The following TPRG1 variants were observed in gnomAD, a reference collection of about 807,000 sequenced individuals.
The protein encoded by TPRG1 is tumor protein p63-regulated gene 1 protein.
Under a neutral mutation model 29.3 loss-of-function variants are expected in TPRG1, and 29 were observed. The ratio of observed to expected loss-of-function variants is 0.99; its 90% confidence interval spans 0.74 to 1.35. The LOEUF is 1.35. TPRG1 is among the 40% of genes most tolerant of loss of function. TPRG1 has a pLI of 0.00. For synonymous variants in TPRG1, 130 were observed against 116.8 expected, an observed-to-expected ratio of 1.11 and a Z score of -0.73; for missense variants, 327 against 335.0, an observed-to-expected ratio of 0.98 and a Z score of 0.19.
In TPRG1 at chr3:189,135,886, G is replaced by A. The variant is rs141901395; in HGVS notation, c.-291+3189G>A. ...CTCTTGCCATCTGGAGAAATCCTACGCATATTTCACAGTCCAATTCAAATA... is the reference window on the plus strand; with the variant it reads ...CTCTTGCCATCTGGAGAAATCCTACACATATTTCACAGTCCAATTCAAATA... On this transcript the variant is annotated intron_variant, in intron 3 of 6. Coordinates refer to the TPRG1 transcript ENST00000412373. Among the ~76,000 whole-genome samples, 336 of 152,132 alleles carry A rather than the reference G, an allele frequency of 2.2e-3. 1 individual carries two copies. The highest frequency in any genetic ancestry group is 3.9e-3 in the Non-Finnish European group (263 of 68,004).
intron 3 of TPRG1, among the ~76,000 whole-genome samples, chr3:189,232,696 C>T (rs1738849631): frequency 1.3e-5 from 2 of 152,150 alleles, no homozygotes; most frequent in African/African-American, 4.8e-5. Flanking sequence ...GTCAGGAAAC[C>T]TGGGAACAGG....
At chr3:189,315,522 G>T in intron 5 of TPRG1, 1 of 455,852 alleles carries the variant, frequency 2.2e-6, no homozygotes, top group South Asian at 1.6e-5. Flanking sequence ...GGAAGGATGA[G>T]TACTGAACCC....
At chr3:189,320,589 A>G (rs1577063080) in intron 5 of TPRG1, 37 bp from the exon 6 acceptor site, 1 of 1,549,228 alleles carries the variant, frequency 6.5e-7, no homozygotes. Flanking sequence ...CTTAATCTAC[A>G]GTAACTAACT....
chr3:189,046,850 C>T (rs926507265), intron 4 of TPRG1, among the ~76,000 whole-genome samples: 1 of 152,084 alleles, frequency 6.6e-6, no homozygotes, highest in Admixed American at 6.6e-5. Flanking sequence ...CTTCCCCCAT[C>T]ATCAACTCAG....
chr3:189,280,844 C>G (rs1048770148), intron 4 of TPRG1, among the ~76,000 whole-genome samples: 2 of 152,292 alleles, frequency 1.3e-5, no homozygotes, highest in Non-Finnish European at 2.9e-5. Flanking sequence ...ATGTAGCAGA[C>G]AGTTTTGATT....
chr3:189,079,918 C>T (rs1717473199), intron 4 of TPRG1, among the ~76,000 whole-genome samples: 1 of 152,188 alleles, frequency 6.6e-6, no homozygotes, highest in Non-Finnish European at 1.5e-5. Context: ...GATGCCTTTT[C>T]CTGCCATCAA....
intron 4 of TPRG1, among the ~76,000 whole-genome samples, chr3:189,086,997 T>C (rs1319435314): frequency 1.3e-5 from 2 of 152,198 alleles, no homozygotes; most frequent in Non-Finnish European, 2.9e-5. Context: ...AGCAGCATGA[T>C]TTATAATCCT....
intron 4 of TPRG1, among the ~76,000 whole-genome samples, chr3:189,031,992 A>T (rs1364525281): frequency 6.6e-6 from 1 of 152,180 alleles, no homozygotes; most frequent in African/African-American, 2.4e-5. Flanking sequence ...ACAGTCGTTT[A>T]TAAAAGATGT....
At chr3:189,290,771 A>C (rs1038388517) in intron 4 of TPRG1, among the ~76,000 whole-genome samples, 2 of 152,226 alleles carry the variant, frequency 1.3e-5, no homozygotes, top group African/African-American at 2.4e-5. Flanking sequence ...AGACCCTCTC[A>C]TAATAGTGAG....
chr3:189,114,809 T>C (rs1235471196), intron 1 of TPRG1, among the ~76,000 whole-genome samples: 1 of 152,182 alleles, frequency 6.6e-6, no homozygotes, highest in Non-Finnish European at 1.5e-5. Flanking sequence ...TAGAAATTAG[T>C]GGTATTTAAG....
chr3:189,107,791 A>C (rs1283048542), intron 1 of TPRG1, among the ~76,000 whole-genome samples: 1 of 152,166 alleles, frequency 6.6e-6, no homozygotes, highest in African/African-American at 2.4e-5. Context: ...TCTCTGATTT[A>C]TCTCTCAGGG....
chr3:189,207,339 A>T (rs1734550541), intron 1 of TPRG1, 37 bp from the exon 2 acceptor site: 1 of 1,609,830 alleles, frequency 6.2e-7, no homozygotes, highest in Admixed American at 1.7e-5. Flanking sequence ...TACAGAGGTA[A>T]CATTTTTTCA....
At chr3:189,088,714 G>T (rs1460958955) in intron 4 of TPRG1, among the ~76,000 whole-genome samples, 1 of 152,120 alleles carries the variant, frequency 6.6e-6, no homozygotes, top group Admixed American at 6.5e-5. Context: ...TGTGATCCAT[G>T]TGTGAGAGGA....
chr3:189,018,236 T>G (rs1293413407), intron 3 of TPRG1, among the ~76,000 whole-genome samples: 64 of 145,688 alleles, frequency 4.4e-4, no homozygotes, highest in African/African-American at 1.6e-3. Flanking sequence ...TTAGTTTAAT[T>G]AGATCCCATT....
In TPRG1 at chr3:189,092,442, C is replaced by CTTT. The variant is rs201972502; in HGVS notation, c.-462-34601_-462-34599dup. Among the ~76,000 whole-genome samples, 18 of 131,374 alleles carry CTTT rather than the reference C, an allele frequency of 1.4e-4. 1 individual carries two copies. The highest frequency in any genetic ancestry group is 4.6e-4 in the African/African-American group (17 of 36,982). 86.2% of individuals were successfully genotyped at this position (131,374 alleles called of 152,430 possible). A position where few individuals can be genotyped will look rare whatever the true frequency, so the allele number is the denominator to read the frequency against. On this transcript the variant is annotated intron_variant, in intron 4 of 10. Coordinates refer to the TPRG1 transcript ENST00000433971. ...AGAATACATTATTTATCTGAAATTT[C>CTTT]TTTTTTTTTTTTTTTTGGTATCTTC...
chr3:189,305,668 A>T (rs961002195), intron 4 of TPRG1, among the ~76,000 whole-genome samples: 11 of 152,230 alleles, frequency 7.2e-5, no homozygotes, highest in African/African-American at 2.7e-4. Context: ...GAAACATGTA[A>T]TTAACATGAC....
In TPRG1 at chr3:189,229,301, A is replaced by G. The variant is rs190572399; in HGVS notation, c.303-9432A>G. Reference sequence around the variant, plus strand: ...AAATTTGTGTGGAAAGACCAAAAAAAAAATAGCTAAAGCAATTCTTAAAAA... The same window carrying G: ...AAATTTGTGTGGAAAGACCAAAAAAGAAATAGCTAAAGCAATTCTTAAAAA... On this transcript the variant is annotated intron_variant, in intron 3 of 5. Transcript: ENST00000345063. 9.2e-4 allele frequency among the ~76,000 whole-genome samples: 140 copies of G among 152,354 alleles called. 6 individuals are homozygous for G. The highest frequency in any genetic ancestry group is 9.1e-3 in the Admixed American group (140 of 15,310).
At chr3:189,035,775 T>C (rs1438731073) in intron 4 of TPRG1, among the ~76,000 whole-genome samples, 1 of 151,610 alleles carries the variant, frequency 6.6e-6, no homozygotes, top group East Asian at 1.9e-4. Flanking sequence ...AAATAACAGA[T>C]GTTGGGGAAG....
rs149797264 is a variant in TPRG1 at position 189,042,945 on chromosome 3, G to C, written c.-463+18999G>C. 1.4e-3 allele frequency among the ~76,000 whole-genome samples: 220 copies of C among 152,242 alleles called. 2 individuals carry two copies. Among genetic ancestry groups the C allele is most frequent in the Non-Finnish European group, 8.4e-4 (57 of 68,024 alleles). On this transcript the variant is annotated intron_variant, in intron 4 of 10. Coordinates refer to the TPRG1 transcript ENST00000433971. ...AAAGACCTCCATAAAGGAGACAGCTGAAACAAGCTAGAGTAAGCCCGGTGC... is the reference window on the plus strand; with the variant it reads ...AAAGACCTCCATAAAGGAGACAGCTCAAACAAGCTAGAGTAAGCCCGGTGC...
Sources: gnomAD v4.1 joint callset for allele counts (sites outside exome capture counted in the v4.1 genomes callset) on GRCh38, gnomAD v4.1.1 for gene constraint, MANE v1.5 for transcripts, NCBI Gene and HGNC (gene_info 2026-07-23, HGNC 2026-07-21) for gene names.